The following SUGCT variants were observed in gnomAD, a reference collection of about 807,000 sequenced individuals.
The protein encoded by SUGCT is succinyl-CoA:glutarate CoA-transferase.
In SUGCT, 41 loss-of-function variants were observed where a neutral mutation model predicts 55.0. The ratio of observed to expected loss-of-function variants is 0.74; its 90% CI spans 0.58 to 0.97. The LOEUF (loss-of-function observed/expected upper bound fraction) is 0.97. SUGCT is among the 50% of genes least tolerant of loss of function. SUGCT has a pLI of 0.00. For missense variants in SUGCT, 568 were observed against 547.8 expected (o/e 1.04, Z -0.37); for synonymous variants, 187 against 200.4 (o/e 0.93, Z 0.56).
At chr7:40,695,543 C>A (rs867117159) in intron 12 of SUGCT, among the ~76,000 whole-genome samples, 2 of 152,110 alleles carry the variant, frequency 1.3e-5, no homozygotes, top group African/African-American at 4.8e-5. Context: ...ATTTAATATT[C>A]AATCCCTAGA....
the SUGCT span, among the ~76,000 whole-genome samples, chr7:40,998,975 G>A: frequency 1.3e-5 from 2 of 152,188 alleles, no homozygotes; most frequent in African/African-American, 4.8e-5. Flanking sequence ...GGTAATTTAA[G>A]CAGTGGTACA....
At chr7:41,008,918 G>T in the SUGCT span, among the ~76,000 whole-genome samples, 1 of 152,076 alleles carries the variant, frequency 6.6e-6, no homozygotes. Context: ...GTCTGGTCCC[G>T]ATGCATGGTG....
At chr7:40,594,504 C>A (rs1797901037) in intron 12 of SUGCT, among the ~76,000 whole-genome samples, 1 of 152,118 alleles carries the variant, frequency 6.6e-6, no homozygotes, top group African/African-American at 2.4e-5. Flanking sequence ...AACATGCTCT[C>A]AAATGATTTA....
chr7:40,163,560 G>A (rs150982683), intron 1 of SUGCT, among the ~76,000 whole-genome samples: 158 of 150,524 alleles, frequency 1.0e-3, no homozygotes, highest in African/African-American at 3.5e-3. Context: ...AGCTGAGATC[G>A]CGCCACTGCA....
At chr7:41,027,791 C>T in the SUGCT span, among the ~76,000 whole-genome samples, 1 of 152,050 alleles carries the variant, frequency 6.6e-6, no homozygotes, top group African/African-American at 2.4e-5. Context: ...GTCTAAAGAC[C>T]ACAAAGAGTC....
chr7:40,161,932 C>G (rs1449223950), intron 1 of SUGCT, among the ~76,000 whole-genome samples: 1 of 152,054 alleles, frequency 6.6e-6, no homozygotes, highest in East Asian at 1.9e-4. Context: ...GACTCTTGCT[C>G]TGTCACCAGG....
intron 12 of SUGCT, among the ~76,000 whole-genome samples, chr7:40,504,421 T>C (rs925049938): frequency 6.6e-6 from 1 of 151,972 alleles, no homozygotes; most frequent in East Asian, 1.9e-4. Context: ...TGGGATTATG[T>C]ACCTGGCCAA....
intron 9 of SUGCT, among the ~76,000 whole-genome samples, chr7:40,323,154 C>T (rs1382255022): frequency 6.6e-6 from 1 of 151,972 alleles, no homozygotes; most frequent in Non-Finnish European, 1.5e-5. Flanking sequence ...TGTCATCAGT[C>T]TTGGTGGCTG....
the SUGCT span, among the ~76,000 whole-genome samples, chr7:40,975,155 A>G: frequency 9.2e-5 from 14 of 152,214 alleles, no homozygotes; most frequent in African/African-American, 2.9e-4. Flanking sequence ...CTTTCCAAAA[A>G]CCTTCATTAC....
intron 12 of SUGCT, among the ~76,000 whole-genome samples, chr7:40,657,468 G>A (rs1801072865): frequency 6.6e-6 from 1 of 151,978 alleles, no homozygotes; most frequent in Non-Finnish European, 1.5e-5. Context: ...CAAGTGCTCA[G>A]TCAGGCCCTG....
chr7:40,140,864 A>G (rs533720299), intron 1 of SUGCT, among the ~76,000 whole-genome samples: 3 of 152,242 alleles, frequency 2.0e-5, no homozygotes, highest in Non-Finnish European at 2.9e-5. Flanking sequence ...GAACTTTAGA[A>G]TTGTTTTTTC....
At chr7:41,032,227 G>T in the SUGCT span, among the ~76,000 whole-genome samples, 140 of 152,156 alleles carry the variant, frequency 9.2e-4, 2 homozygotes, top group East Asian at 0.023. Context: ...ACACACTGCT[G>T]GTTACCTACC....
chr7:40,249,315 A>ATCTATCTATATATATC (rs1314961773), intron 7 of SUGCT, among the ~76,000 whole-genome samples: 6 of 33,510 alleles, frequency 1.8e-4, no homozygotes, highest in African/African-American at 5.9e-4. Flanking sequence ...CCAAAAAGCT[A>ATCTATCTATATATATC]TATATATATA....
At chr7:40,307,706 C>T (rs974316687) in intron 8 of SUGCT, among the ~76,000 whole-genome samples, 2 of 152,118 alleles carry the variant, frequency 1.3e-5, no homozygotes, top group African/African-American at 2.4e-5. Context: ...AACTGATAAA[C>T]GTGGTGCAGA....
chr7:40,780,035 A>T (rs551156223), intron 13 of SUGCT, among the ~76,000 whole-genome samples: 1 of 152,242 alleles, frequency 6.6e-6, no homozygotes, highest in Admixed American at 6.5e-5. Flanking sequence ...TAATGGTTTT[A>T]TTTACCTAAG....
chr7:40,368,273 C>CG (rs1314960870), intron 9 of SUGCT, among the ~76,000 whole-genome samples: 1 of 123,652 alleles, frequency 8.1e-6, no homozygotes, highest in Non-Finnish European at 1.8e-5. Context: ...TCTCGGCTCA[C>CG]TGCAACCTCT....
At chr7:40,961,950 G>A in the SUGCT span, among the ~76,000 whole-genome samples, 1 of 152,196 alleles carries the variant, frequency 6.6e-6, no homozygotes, top group Non-Finnish European at 1.5e-5. Flanking sequence ...GCAGCAGCAA[G>A]ATTTATTGCA....
chr7:40,572,980 G>A (rs1485625896), intron 12 of SUGCT, among the ~76,000 whole-genome samples: 2 of 152,124 alleles, frequency 1.3e-5, no homozygotes, highest in Non-Finnish European at 2.9e-5. Flanking sequence ...GAAACCCCGG[G>A]ACTGAAGACA....
At chr7:40,389,969 G>C (rs975333329) in intron 9 of SUGCT, among the ~76,000 whole-genome samples, 1 of 152,152 alleles carries the variant, frequency 6.6e-6, no homozygotes, top group Non-Finnish European at 1.5e-5. Context: ...GGGATGCAAG[G>C]CTGGTTCAAC....
Sources: gnomAD v4.1 joint callset for allele counts (sites outside exome capture counted in the v4.1 genomes callset) on GRCh38, gnomAD v4.1.1 for gene constraint, MANE v1.5 for transcripts, NCBI Gene and HGNC (gene_info 2026-07-23, HGNC 2026-07-21) for gene names.